NR2C2: variants seen among roughly 807,000 people sequenced by gnomAD.
NR2C2 encodes nuclear receptor subfamily 2 group C member 2, also known as Nuclear hormone receptor TR4.
NR2C2 carries 6 observed loss-of-function variants against 62.9 expected under a neutral mutation model. The ratio of observed to expected loss-of-function variants is 0.10; its 90% CI spans 0.05 to 0.19. NR2C2 has a LOEUF of 0.19. Among genes scored for constraint, NR2C2 ranks in the 10% least tolerant of loss-of-function variants. The probability of loss-of-function intolerance (pLI) is 1.00; values close to 1 mark genes in which losing one functional copy is unlikely to be tolerated. For missense variants in NR2C2, 479 were observed against 762.7 expected, an observed-to-expected ratio of 0.63 and a Z score of 4.38; for synonymous variants, 272 against 273.8, an observed-to-expected ratio of 0.99 and a Z score of 0.07.
In NR2C2 at chr3:15,046,979, ACTTCGTATGT is replaced by A. The variant is rs2042476761; in HGVS notation, c.*3973_*3982del. 1 of 152,640 alleles carries A rather than the reference ACTTCGTATGT, an allele frequency of 6.6e-6. No homozygotes were observed. The highest frequency in any genetic ancestry group is 1.9e-4 in the East Asian group (1 of 5,192). The allele number at this position is 152,640 out of a possible 1,614,324, so 9.5% of individuals were successfully genotyped here. A position where few individuals can be genotyped will look rare whatever the true frequency, so the allele number is the denominator to read the frequency against. ...CATTGTGTGCCTCCCACCAGCGTGC[ACTTCGTATGT>A]CCAGCCCTGGGTCCCTTCAGCAGCA... On this transcript the variant is annotated 3_prime_UTR_variant, in exon 14 of 14. Coordinates refer to ENST00000425241, the MANE Select transcript of NR2C2 (RefSeq NM_001291694.2).
intron 1 of NR2C2, among the ~76,000 whole-genome samples, chr3:14,983,322 T>C (rs2040426294): frequency 6.6e-6 from 1 of 152,224 alleles, no homozygotes; most frequent in Admixed American, 6.5e-5. Flanking sequence ...GATGCTCTTT[T>C]TTTTTATGAT....
At chr3:14,984,986 G>A (rs767771824) in intron 1 of NR2C2, among the ~76,000 whole-genome samples, 5 of 152,086 alleles carry the variant, frequency 3.3e-5, no homozygotes, top group Non-Finnish European at 5.9e-5. Context: ...TAATAGATGT[G>A]TACTAGCTCT....
rs1219928388 is a variant in NR2C2, at chr3:15,044,891, G to A, written c.*1883G>A. 2 of 152,224 alleles carry A rather than the reference G, an allele frequency of 1.3e-5. No homozygotes were observed. Among genetic ancestry groups the A allele is most frequent in the African/African-American group, 4.8e-5 (2 of 41,448 alleles). The allele number at this position is 152,224 out of a possible 1,614,324, so 9.4% of individuals were successfully genotyped here. ...TGTTAGTAGGGTAAGTGGGAACAGTGTTTCCAACTTCTAAATTCTTGTTTG... is the reference window on the plus strand; with the variant it reads ...TGTTAGTAGGGTAAGTGGGAACAGTATTTCCAACTTCTAAATTCTTGTTTG... On this transcript the variant is annotated 3_prime_UTR_variant, in exon 14 of 14. Coordinates refer to ENST00000425241, the MANE Select transcript of NR2C2 (RefSeq NM_001291694.2).
chr3:14,991,508 A>G (rs2040669570), intron 1 of NR2C2, among the ~76,000 whole-genome samples: 1 of 152,208 alleles, frequency 6.6e-6, no homozygotes, highest in African/African-American at 2.4e-5. Flanking sequence ...ACCCTACTTA[A>G]GGGTTTTACA....
At chr3:15,025,371 G>A (rs149839359) in intron 7 of NR2C2, among the ~76,000 whole-genome samples, 1 of 152,200 alleles carries the variant, frequency 6.6e-6, no homozygotes, top group East Asian at 1.9e-4. Flanking sequence ...TAAATTTCTT[G>A]GTACACAGTG....
At chr3:14,999,354 G>A (rs1026270604) in intron 1 of NR2C2, among the ~76,000 whole-genome samples, 1 of 152,014 alleles carries the variant, frequency 6.6e-6, no homozygotes, top group Admixed American at 6.6e-5. Flanking sequence ...GCCCGGCATG[G>A]TAGCACACAC....
intron 9 of NR2C2, among the ~76,000 whole-genome samples, chr3:15,032,136 G>C (rs188858475): frequency 6.6e-5 from 10 of 152,120 alleles, no homozygotes; most frequent in Non-Finnish European, 1.0e-4. Context: ...ATGTTTTTGT[G>C]GGGGTGGGCT....
chr3:15,038,835 A>G (rs1489082312), intron 12 of NR2C2: 9 of 305,972 alleles, frequency 2.9e-5, no homozygotes, highest in Middle Eastern at 9.4e-4. Context: ...TTTTAAAACT[A>G]TGTGTTTTCT....
intron 1 of NR2C2, among the ~76,000 whole-genome samples, chr3:14,996,470 T>TACTA (rs2124881173): frequency 6.6e-6 from 1 of 152,388 alleles, no homozygotes; most frequent in Admixed American, 6.5e-5. Flanking sequence ...ATGTTTAACT[T>TACTA]ACTATTCATT....
chr3:15,039,282 G>A (rs2042188965), intron 13 of NR2C2, 55 bp downstream of exon 13: 1 of 1,159,848 alleles, frequency 8.6e-7, no homozygotes, highest in Middle Eastern at 1.9e-4. Flanking sequence ...GTGTGGCTGA[G>A]TCTGCAGTTT....
intron 1 of NR2C2, among the ~76,000 whole-genome samples, chr3:14,979,824 C>T (rs1304904529): frequency 6.6e-6 from 1 of 151,836 alleles, no homozygotes; most frequent in Non-Finnish European, 1.5e-5. Flanking sequence ...AGGCCATGGT[C>T]AAGAGTTTGT....
Position 15,013,538 on chromosome 3 carries a change from C to A in NR2C2, c.73-51C>A, listed in dbSNP as rs368388374. ...CCACTTTGAGCACCACCTGCAAATG[C>A]ATGGGTCTTGTGACACTCCATGAGA... is the stretch of plus-strand genomic sequence containing the variant. On this transcript the variant is annotated intron_variant, in intron 2 of 13. Coordinates refer to ENST00000425241, the MANE Select transcript of NR2C2 (RefSeq NM_001291694.2). 19 of 1,549,364 alleles carry A rather than the reference C, an allele frequency of 1.2e-5. No individual in the cohort carries two copies. The African/African-American group carries it at 2.4e-4, about 20-fold the overall frequency.
chr3:14,955,866 T>C (rs1198328895), intron 1 of NR2C2, among the ~76,000 whole-genome samples: 2 of 152,116 alleles, frequency 1.3e-5, no homozygotes, highest in Non-Finnish European at 2.9e-5. Flanking sequence ...ACACAGAAAA[T>C]TGTAGAACTG....
rs558973409 is a variant in NR2C2 at position 15,027,322 on chromosome 3, A to G, written c.799-1264A>G. On this transcript the variant is annotated intron_variant, in intron 7 of 13. Coordinates refer to ENST00000425241, the MANE Select transcript of NR2C2 (RefSeq NM_001291694.2). ...CCTAATAATACACCTTTGTATGGCTATACCACATTTTATTTATCCATTAGT... is the reference window on the plus strand; with the variant it reads ...CCTAATAATACACCTTTGTATGGCTGTACCACATTTTATTTATCCATTAGT... 1.8e-4 allele frequency among the ~76,000 whole-genome samples: 27 copies of G among 152,314 alleles called. No homozygotes were observed. The South Asian group carries it at 5.6e-3, about 32-fold the overall frequency.
chr3:15,023,102 G>A, intron 5 of NR2C2, 98 bp from the exon 6 acceptor site: 2 of 1,354,472 alleles, frequency 1.5e-6, no homozygotes, highest in Non-Finnish European at 1.0e-6. Context: ...TAGCACCAGA[G>A]TCATCCTCCC....
chr3:15,038,144 T>G lies in NR2C2; in HGVS notation c.1510+7T>G, dbSNP rs2042155169. 6 of 1,604,798 alleles carry G rather than the reference T, an allele frequency of 3.7e-6. No individual in the cohort carries two copies. The highest frequency in any genetic ancestry group is 5.1e-6 in the Non-Finnish European group (6 of 1,175,076). ...ATAGTTCTCTTTAGCCCCGGTAAGATATGCGGTGGGGATGCATGACCCCTT... is the reference window on the plus strand; with the variant it reads ...ATAGTTCTCTTTAGCCCCGGTAAGAGATGCGGTGGGGATGCATGACCCCTT... On this transcript the variant is annotated splice_region_variant and intron_variant, in intron 12 of 13. Coordinates refer to ENST00000425241, the MANE Select transcript of NR2C2 (RefSeq NM_001291694.2).
At chr3:14,976,938 C>T (rs1403221119) in intron 1 of NR2C2, among the ~76,000 whole-genome samples, 1 of 152,090 alleles carries the variant, frequency 6.6e-6, no homozygotes, top group Non-Finnish European at 1.5e-5. Context: ...CTGAAATATA[C>T]AGTCATGTCC....
Position 15,043,791 on chromosome 3 carries a change from A to T in NR2C2, c.*783A>T, listed in dbSNP as rs1438465201. ...ATGGGCATCTGCAGACTCCTCTAGA[A>T]CCTGGGGTTCTCCTTTGATGACTGG... On this transcript the variant is annotated 3_prime_UTR_variant, in exon 14 of 14. Coordinates refer to ENST00000425241, the MANE Select transcript of NR2C2 (RefSeq NM_001291694.2). The T allele has an allele frequency of 6.6e-6, 1 of 152,176 alleles. No individual in the cohort carries two copies. Among genetic ancestry groups the T allele is most frequent in the Non-Finnish European group, 1.5e-5 (1 of 68,034 alleles). The allele number at this position is 152,176 out of a possible 1,614,324, so 9.4% of individuals were successfully genotyped here. A position where few individuals can be genotyped will look rare whatever the true frequency, so the allele number is the denominator to read the frequency against.
chr3:14,977,151 T>C (rs2040231593), intron 1 of NR2C2, among the ~76,000 whole-genome samples: 1 of 152,164 alleles, frequency 6.6e-6, no homozygotes, highest in African/African-American at 2.4e-5. Context: ...TTCCTCTCGT[T>C]TTCTCTTGTG....
Sources: gnomAD v4.1 joint callset for allele counts (sites outside exome capture counted in the v4.1 genomes callset) on GRCh38, gnomAD v4.1.1 for gene constraint, MANE v1.5 for transcripts, NCBI Gene and HGNC (gene_info 2026-07-23, HGNC 2026-07-21) for gene names.